The following TNRC6C variants were observed in gnomAD, a reference collection of about 807,000 sequenced individuals.
The protein encoded by TNRC6C is trinucleotide repeat-containing gene 6C protein.
In TNRC6C, 20 loss-of-function variants were observed where a neutral mutation model predicts 153.7. That is an observed-to-expected ratio of 0.13 (90% CI 0.09 to 0.19). The LOEUF is 0.19. Ranked by LOEUF, TNRC6C falls within the 10% of genes least tolerant of loss-of-function variation. The pLI, the probability that TNRC6C is intolerant of heterozygous loss-of-function variation, is 1.00. For missense variants in TNRC6C, 1,987 were observed against 2,172.0 expected (o/e 0.91, Z 1.69); for synonymous variants, 811 against 841.4 (o/e 0.96, Z 0.63).
chr17:78,093,048 T>C (rs1415630991), exon 15 of TNRC6C: 1 of 1,613,832 alleles, frequency 6.2e-7, no homozygotes, highest in Non-Finnish European at 8.5e-7. Context: ...CTCCCGTAGC[T>C]GTTCCCCATA....
chr17:78,046,807 C>T (rs1383227208), intron 2 of TNRC6C, among the ~76,000 whole-genome samples: 1 of 152,180 alleles, frequency 6.6e-6, no homozygotes, highest in Non-Finnish European at 1.5e-5. Flanking sequence ...TGTCCAACAG[C>T]ATTTATTAGC....
chr17:78,006,577 T>G (rs2071515599), intron 1 of TNRC6C, among the ~76,000 whole-genome samples: 1 of 147,030 alleles, frequency 6.8e-6, no homozygotes, highest in Admixed American at 6.7e-5. Flanking sequence ...TCCTTCTTCC[T>G]TCTTCTTCCT....
At chr17:78,021,079 GT>G (rs2071823259) in intron 1 of TNRC6C, among the ~76,000 whole-genome samples, 1 of 152,250 alleles carries the variant, frequency 6.6e-6, no homozygotes. Context: ...TTTTGGATGT[GT>G]TTAGTAGGAA....
At chr17:78,029,554 A>C (rs1345149482) in intron 1 of TNRC6C, among the ~76,000 whole-genome samples, 1 of 152,212 alleles carries the variant, frequency 6.6e-6, no homozygotes, top group African/African-American at 2.4e-5. Flanking sequence ...GGAGTCAGTG[A>C]GTGGTGAGTG....
intron 17 of TNRC6C, among the ~76,000 whole-genome samples, chr17:78,101,204 A>G (rs1230021215): frequency 6.6e-6 from 1 of 152,140 alleles, no homozygotes; most frequent in Non-Finnish European, 1.5e-5. Flanking sequence ...ATCCCTCTCA[A>G]GTTGAAAGCT....
chr17:78,078,354 G>A (rs547813110), intron 9 of TNRC6C, among the ~76,000 whole-genome samples: 1 of 152,302 alleles, frequency 6.6e-6, no homozygotes, highest in South Asian at 2.1e-4. Context: ...TATTTGTCAG[G>A]TAACTCATTA....
intron 1 of TNRC6C, among the ~76,000 whole-genome samples, chr17:77,966,858 A>G (rs761872232): frequency 6.6e-6 from 1 of 152,210 alleles, no homozygotes; most frequent in Non-Finnish European, 1.5e-5. Flanking sequence ...TTTTATGCAT[A>G]TGGAATGTTG....
chr17:78,082,265 G>A (rs4567792), intron 10 of TNRC6C, among the ~76,000 whole-genome samples: 2 of 151,270 alleles, frequency 1.3e-5, no homozygotes, highest in African/African-American at 4.9e-5. Context: ...GTTTAGTGAG[G>A]GCAGGGGTAG....
intron 1 of TNRC6C, among the ~76,000 whole-genome samples, chr17:77,982,552 C>G (rs1256583091): frequency 1.3e-5 from 2 of 152,180 alleles, no homozygotes; most frequent in Non-Finnish European, 2.9e-5. Context: ...AGGAACAAGG[C>G]CAGGCGCGGT....
At chr17:77,958,771 C>G, upstream of TNRC6C, among the ~76,000 whole-genome samples, 1 of 149,890 alleles carries the variant, frequency 6.7e-6, no homozygotes, top group East Asian at 1.9e-4. Flanking sequence ...GAGCCGTAGC[C>G]GCCGCCGCCG....
intron 1 of TNRC6C, among the ~76,000 whole-genome samples, chr17:77,966,153 G>GT (rs781177801): frequency 2.6e-5 from 4 of 152,166 alleles, no homozygotes; most frequent in Admixed American, 2.0e-4. Context: ...CTGAGACATA[G>GT]TAGGGACGGG....
chr17:78,103,851 T>C (rs2073641185), intron 19 of TNRC6C, among the ~76,000 whole-genome samples: 2 of 152,220 alleles, frequency 1.3e-5, no homozygotes, highest in African/African-American at 4.8e-5. Context: ...CCAGTCCTGT[T>C]GGACTAGGGC....
At chr17:78,096,627 C>T (rs1001833352) in intron 16 of TNRC6C, among the ~76,000 whole-genome samples, 2 of 152,218 alleles carry the variant, frequency 1.3e-5, no homozygotes, top group Admixed American at 1.3e-4. Flanking sequence ...GATGCCATGG[C>T]TTTTCAGAAA....
rs577475329 is a variant in TNRC6C, at chr17:77,993,755, C to T, written c.-37-10415C>T. Among the ~76,000 whole-genome samples, 15 of 152,112 alleles carry T rather than the reference C, an allele frequency of 9.9e-5. No homozygotes were observed. The South Asian group carries it at 1.2e-3, about 13-fold the overall frequency. ...TGTTTTTCTGTTAATTGATATTTTT[C>T]AGGTAAATTTTCTTCATTTTATGAA... On this transcript the variant is annotated intron_variant, in intron 1 of 22. Coordinates refer to the TNRC6C transcript ENST00000636222.
Position 78,075,115 on chromosome 17 carries a change from C to A in TNRC6C, c.2918-21C>A. ...CTCACTTGTTTTGTTTACAACATTG[C>A]TTCTGTTTGTTGTGCTCCAGGCGCT... On this transcript the variant is annotated intron_variant, in intron 7 of 19. Coordinates refer to ENST00000301624, the Ensembl canonical transcript of TNRC6C. This position sits in a 1 kb window ranked among gnomAD's most constrained non-coding sequence, Gnocchi z 4.2. 6.2e-7 allele frequency: 1 copy of A among 1,611,764 alleles called. No individual in the cohort carries two copies. The highest frequency in any genetic ancestry group is 8.5e-7 in the Non-Finnish European group (1 of 1,178,814).
intron 2 of TNRC6C, among the ~76,000 whole-genome samples, chr17:78,046,089 T>C (rs1463481990): frequency 6.6e-6 from 1 of 152,144 alleles, no homozygotes; most frequent in Non-Finnish European, 1.5e-5. Flanking sequence ...CATATGTTAA[T>C]GGCTTATGAG....
At chr17:78,067,974 C>A in intron 5 of TNRC6C, 51 bp downstream of exon 7, 1 of 1,539,360 alleles carries the variant, frequency 6.5e-7, no homozygotes, top group Non-Finnish European at 8.7e-7. Flanking sequence ...AAAGGTACTT[C>A]AGACACATTC....
intron 3 of TNRC6C, among the ~76,000 whole-genome samples, chr17:78,051,782 T>C (rs1002486996): frequency 6.6e-6 from 1 of 152,190 alleles, no homozygotes; most frequent in African/African-American, 2.4e-5. Flanking sequence ...TCGTAACCAT[T>C]TGGATACAGG....
intron 1 of TNRC6C, among the ~76,000 whole-genome samples, chr17:77,993,985 G>A (rs1006460303): frequency 6.6e-6 from 1 of 151,996 alleles, no homozygotes; most frequent in Non-Finnish European, 1.5e-5. Flanking sequence ...CTGAGGTCAG[G>A]CGTTTGAGCC....
Sources: allele counts gnomAD v4.1 joint callset (sites outside exome capture counted in the v4.1 genomes callset), GRCh38; gene constraint gnomAD v4.1.1; non-coding constraint Gnocchi (gnomAD v3.1); transcripts MANE v1.5; gene names NCBI Gene and HGNC (gene_info 2026-07-23, HGNC 2026-07-21).